DLGAP2: variants seen among roughly 807,000 people sequenced by gnomAD.
DLGAP2 encodes DLG associated protein 2.
DLGAP2 carries 26 observed loss-of-function variants against 100.3 expected under a neutral mutation model. The ratio of observed to expected loss-of-function variants is 0.26; its 90% CI spans 0.19 to 0.36. DLGAP2 has a LOEUF of 0.36. DLGAP2 is among the 10% of genes least tolerant of loss of function. DLGAP2 has a pLI of 1.00. For synonymous variants in DLGAP2, 886 were observed against 630.1 expected, an observed-to-expected ratio of 1.41 and a Z score of -6.08; for missense variants, 1,858 against 1,453.2, an observed-to-expected ratio of 1.28 and a Z score of -4.53.
At chr8:859,681 C>T (rs1797352830) in intron 1 of DLGAP2, among the ~76,000 whole-genome samples, 1 of 152,096 alleles carries the variant, frequency 6.6e-6, no homozygotes, top group South Asian at 2.1e-4. Context: ...GGAGCCAGGT[C>T]AACAAAGCAG....
chr8:982,240 C>T (rs774806014), intron 2 of DLGAP2, among the ~76,000 whole-genome samples: 2 of 152,214 alleles, frequency 1.3e-5, no homozygotes, highest in Non-Finnish European at 2.9e-5. Flanking sequence ...CACGGGTGAC[C>T]GTGCAAGACC....
intron 2 of DLGAP2, among the ~76,000 whole-genome samples, chr8:959,606 A>G (rs895245528): frequency 2.0e-5 from 3 of 152,214 alleles, no homozygotes; most frequent in Non-Finnish European, 4.4e-5. Context: ...AACACTCTTC[A>G]TTCCATTGAA....
At chr8:1,607,377 A>G (rs1050791649) in intron 6 of DLGAP2, among the ~76,000 whole-genome samples, 1 of 152,226 alleles carries the variant, frequency 6.6e-6, no homozygotes, top group Non-Finnish European at 1.5e-5. Context: ...GAGGATTTCC[A>G]TAATGCTCAT....
chr8:1,658,633 C>T (rs1053341377), intron 8 of DLGAP2, among the ~76,000 whole-genome samples: 6 of 152,024 alleles, frequency 3.9e-5, no homozygotes, highest in Admixed American at 6.6e-5. Flanking sequence ...ATCTGCATAG[C>T]GGTGTTTATA....
chr8:1,592,809 C>T (rs753019073), intron 6 of DLGAP2, among the ~76,000 whole-genome samples: 26 of 152,186 alleles, frequency 1.7e-4, no homozygotes, highest in Non-Finnish European at 3.4e-4. Context: ...AATTGTCAGG[C>T]TCAGACTTCT....
At chr8:1,439,137 C>G (rs775694209) in intron 3 of DLGAP2, among the ~76,000 whole-genome samples, 1 of 152,074 alleles carries the variant, frequency 6.6e-6, no homozygotes, top group Non-Finnish European at 1.5e-5. Flanking sequence ...ATTTATGGAG[C>G]CACGTGGAGC....
In DLGAP2 at chr8:1,669,933, A is replaced by T; in HGVS notation, c.2202+149A>T. The T allele has an allele frequency of 4.5e-6, 3 of 673,900 alleles. No homozygotes were observed. In the Admixed American group the frequency reaches 6.3e-5, roughly 14 times the overall value. The allele number at this position is 673,900 out of a possible 1,614,324, so 41.7% of individuals were successfully genotyped here. On this transcript the variant is annotated intron_variant, in intron 10 of 14. Transcript: ENST00000637795. ...GGGTGCTCCCATCTGTCCCCCTTAG[A>T]TGAGGACAAGGGGCTCACCAGGGTC...
intron 2 of DLGAP2, among the ~76,000 whole-genome samples, chr8:1,199,964 G>A (rs915413825): frequency 6.6e-6 from 1 of 151,304 alleles, no homozygotes. Context: ...CGCAGAGGCC[G>A]GGTCTCAGCA....
At chr8:1,233,246 T>C (rs1017410761) in intron 2 of DLGAP2, among the ~76,000 whole-genome samples, 1 of 152,224 alleles carries the variant, frequency 6.6e-6, no homozygotes, top group Non-Finnish European at 1.5e-5. Flanking sequence ...AATGAGAGGC[T>C]GCTGTGAACA....
intron 2 of DLGAP2, among the ~76,000 whole-genome samples, chr8:966,564 A>T (rs1799876648): frequency 6.6e-6 from 1 of 152,224 alleles, no homozygotes; most frequent in Admixed American, 6.5e-5. Context: ...TTAAAAAATG[A>T]CAATGGATGA....
At chr8:1,547,843 T>A (rs997633372) in intron 4 of DLGAP2, among the ~76,000 whole-genome samples, 6 of 152,064 alleles carry the variant, frequency 3.9e-5, no homozygotes, top group African/African-American at 1.4e-4. Context: ...TCGAGAAAGC[T>A]CCTCCCATCC....
intron 2 of DLGAP2, among the ~76,000 whole-genome samples, chr8:1,180,927 G>A (rs1797373817): frequency 1.4e-5 from 2 of 141,394 alleles, no homozygotes; most frequent in Admixed American, 1.4e-4. Context: ...CTGTGCAAGG[G>A]CAGTACACTT....
chr8:1,030,481 C>A, intron 2 of DLGAP2, among the ~76,000 whole-genome samples: 1 of 152,180 alleles, frequency 6.6e-6, no homozygotes. Flanking sequence ...TGCAAAGGTG[C>A]TCACGGACTC....
At chr8:1,500,916 T>G (rs1799699566) in intron 3 of DLGAP2, among the ~76,000 whole-genome samples, 1 of 152,210 alleles carries the variant, frequency 6.6e-6, no homozygotes, top group African/African-American at 2.4e-5. Flanking sequence ...AAAATGAGGC[T>G]TCGAATGGCA....
chr8:1,582,110 A>G (rs1040957118), intron 6 of DLGAP2, among the ~76,000 whole-genome samples: 4 of 151,374 alleles, frequency 2.6e-5, no homozygotes, highest in African/African-American at 9.7e-5. Flanking sequence ...CCACAGTCAA[A>G]CTACCAGAAG....
chr8:1,661,636 G>A (rs1413297372), intron 8 of DLGAP2, among the ~76,000 whole-genome samples: 1 of 152,202 alleles, frequency 6.6e-6, no homozygotes, highest in African/African-American at 2.4e-5. Flanking sequence ...TGATGGGTTG[G>A]GCAGTCAGAG....
chr8:1,556,204 C>G (rs1281203898), intron 5 of DLGAP2, among the ~76,000 whole-genome samples: 2 of 152,234 alleles, frequency 1.3e-5, no homozygotes, highest in Non-Finnish European at 2.9e-5. Context: ...GGCACAGTGC[C>G]CTCAACTTGG....
At chr8:1,188,599 C>T (rs992514911) in intron 2 of DLGAP2, among the ~76,000 whole-genome samples, 2 of 151,986 alleles carry the variant, frequency 1.3e-5, no homozygotes, top group African/African-American at 2.4e-5. Flanking sequence ...ACACCCGGGA[C>T]GTCCGTGACA....
chr8:1,226,835 A>T (rs1399105103), intron 2 of DLGAP2, among the ~76,000 whole-genome samples: 2 of 152,096 alleles, frequency 1.3e-5, no homozygotes, highest in African/African-American at 4.8e-5. Context: ...ATGCCCACCA[A>T]ATAGCATAGC....
Sources: gnomAD v4.1 joint callset for allele counts (sites outside exome capture counted in the v4.1 genomes callset) on GRCh38, gnomAD v4.1.1 for gene constraint, MANE v1.5 for transcripts, NCBI Gene and HGNC (gene_info 2026-07-23, HGNC 2026-07-21) for gene names.